The following FHIT variants were observed in gnomAD, a reference collection of about 807,000 sequenced individuals.
The protein encoded by FHIT is bis(5'-adenosyl)-triphosphatase.
FHIT carries 19 observed loss-of-function variants against 17.9 expected under a neutral mutation model. The ratio of observed to expected loss-of-function variants is 1.06; its 90% CI spans 0.74 to 1.56. The LOEUF (loss-of-function observed/expected upper bound fraction) is 1.56, where lower values mean the gene tolerates loss of function less well. Among genes scored for constraint, FHIT ranks in the 40% most tolerant of loss-of-function variants. The probability of loss-of-function intolerance (pLI) is 0.00; values close to 1 mark genes in which losing one functional copy is unlikely to be tolerated. For synonymous variants in FHIT, 81 were observed against 69.7 expected (o/e 1.16, Z -0.81); for missense variants, 248 against 189.2 (o/e 1.31, Z -1.82).
chr3:60,316,258 G>A (rs888845008), intron 5 of FHIT, among the ~76,000 whole-genome samples: 3 of 152,130 alleles, frequency 2.0e-5, no homozygotes, highest in African/African-American at 4.8e-5. Flanking sequence ...CTTTCTGGGT[G>A]TATGGCAGAA....
At chr3:60,285,207 A>C (rs1707667320) in intron 5 of FHIT, among the ~76,000 whole-genome samples, 1 of 152,138 alleles carries the variant, frequency 6.6e-6, no homozygotes, top group Non-Finnish European at 1.5e-5. Context: ...TATTATAGTC[A>C]TATTAACCCT....
chr3:61,120,573 T>G (rs754317051), intron 2 of FHIT, among the ~76,000 whole-genome samples: 1 of 152,140 alleles, frequency 6.6e-6, no homozygotes, highest in Non-Finnish European at 1.5e-5. Flanking sequence ...CTTTTCTCGT[T>G]TACAGAAATG....
intron 8 of FHIT, among the ~76,000 whole-genome samples, chr3:59,754,746 A>G (rs987242546): frequency 6.6e-6 from 1 of 152,212 alleles, no homozygotes; most frequent in African/African-American, 2.4e-5. Flanking sequence ...GCCAATCCTT[A>G]GAAGAAGTTT....
chr3:61,010,056 G>T (rs1407806141), intron 3 of FHIT, among the ~76,000 whole-genome samples: 1 of 152,164 alleles, frequency 6.6e-6, no homozygotes, highest in Non-Finnish European at 1.5e-5. Flanking sequence ...ACTAGAAAGA[G>T]ATGGTAAATA....
chr3:61,229,668 C>T (rs11130833), intron 1 of FHIT, among the ~76,000 whole-genome samples: 47,439 of 151,954 alleles, frequency 0.31, 8,012 homozygotes, highest in East Asian at 0.57. Flanking sequence ...GTATGTCAAA[C>T]GTGCAGCACA....
rs893868814 is a variant in FHIT, at chr3:60,372,413, G to C, written c.103+164447C>G. 2.0e-5 allele frequency among the ~76,000 whole-genome samples: 3 copies of C among 152,068 alleles called. No homozygotes were observed. The South Asian group carries it at 6.2e-4, about 31-fold the overall frequency. On this transcript the variant is annotated intron_variant, in intron 5 of 9. Coordinates refer to ENST00000492590, the MANE Select transcript of FHIT (RefSeq NM_002012.4). The stretch of plus-strand genomic sequence containing the variant: ...GGCACATCCATAATTTGGCTATTTA[G>C]AACATTATGTTTAAAAACAGAGTTA...
chr3:60,383,515 A>G (rs1234316975), intron 5 of FHIT, among the ~76,000 whole-genome samples: 3 of 152,024 alleles, frequency 2.0e-5, no homozygotes, highest in African/African-American at 7.2e-5. Context: ...ATATACTTCA[A>G]TGCACTGGAA....
chr3:60,228,314 G>T (rs1382923186), intron 5 of FHIT, among the ~76,000 whole-genome samples: 2 of 152,154 alleles, frequency 1.3e-5, no homozygotes, highest in African/African-American at 4.8e-5. Context: ...AAGCATAGGA[G>T]AATGAGGGTG....
chr3:60,003,781 A>G (rs1699818235), intron 7 of FHIT, among the ~76,000 whole-genome samples: 1 of 151,950 alleles, frequency 6.6e-6, no homozygotes, highest in Non-Finnish European at 1.5e-5. Flanking sequence ...TCATCTACTG[A>G]GGTTGAATTG....
chr3:61,240,859 G>A (rs893460377), intron 1 of FHIT, among the ~76,000 whole-genome samples: 3 of 152,172 alleles, frequency 2.0e-5, no homozygotes, highest in African/African-American at 7.2e-5. Flanking sequence ...AATTGGGAAA[G>A]GTTGGTGGCA....
chr3:61,227,798 G>A (rs2040006288), intron 1 of FHIT, among the ~76,000 whole-genome samples: 1 of 152,084 alleles, frequency 6.6e-6, no homozygotes, highest in Non-Finnish European at 1.5e-5. Context: ...GAGTATGTTT[G>A]CCCTTTCTAC....
At chr3:60,094,460 G>A (rs1703856971) in intron 5 of FHIT, among the ~76,000 whole-genome samples, 1 of 152,020 alleles carries the variant, frequency 6.6e-6, no homozygotes, top group Admixed American at 6.6e-5. Context: ...GCCCACATAG[G>A]CAATACATCT....
chr3:61,117,744 C>G (rs776486426), intron 2 of FHIT, among the ~76,000 whole-genome samples: 4 of 152,180 alleles, frequency 2.6e-5, no homozygotes, highest in Non-Finnish European at 5.9e-5. Context: ...CCCAATACAG[C>G]TCCCATTATT....
chr3:60,544,561 G>C (rs763619806), intron 4 of FHIT, among the ~76,000 whole-genome samples: 5 of 147,868 alleles, frequency 3.4e-5, no homozygotes, highest in Non-Finnish European at 7.4e-5. Context: ...CCTTTTGAAT[G>C]TCATAAGTGA....
intron 2 of FHIT, among the ~76,000 whole-genome samples, chr3:61,053,912 G>C (rs559170618): frequency 1.3e-5 from 2 of 152,180 alleles, no homozygotes; most frequent in African/African-American, 4.8e-5. Context: ...ATAAGCAGAG[G>C]TGACTGTGGG....
chr3:59,827,563 C>CACAT (rs1701019463), intron 8 of FHIT, among the ~76,000 whole-genome samples: 1 of 152,166 alleles, frequency 6.6e-6, no homozygotes, highest in Admixed American at 6.5e-5. Flanking sequence ...GCTTTACAGG[C>CACAT]ACATATCACT....
chr3:60,366,200 G>C lies in FHIT; in HGVS notation c.103+170660C>G, dbSNP rs117484199. 7.4e-4 allele frequency among the ~76,000 whole-genome samples: 113 copies of C among 152,260 alleles called. No homozygotes were observed. In the East Asian group the frequency reaches 0.02, roughly 27 times the overall value. On this transcript the variant is annotated intron_variant, in intron 5 of 9. Transcript: ENST00000492590. The stretch of plus-strand genomic sequence containing the variant: ...TCAGTCCCTCCGCCTTTTTGAGATG[G>C]AGTCTCACTCTGTCACCCAGGCTGG...
intron 7 of FHIT, among the ~76,000 whole-genome samples, chr3:59,957,302 G>A (rs546721285): frequency 5.9e-5 from 9 of 152,194 alleles, no homozygotes; most frequent in Non-Finnish European, 1.0e-4. Flanking sequence ...GTGTGCATTC[G>A]AGAGAAAAGA....
chr3:60,575,939 G>A (rs887632285), intron 4 of FHIT, among the ~76,000 whole-genome samples: 1 of 152,146 alleles, frequency 6.6e-6, no homozygotes, highest in Admixed American at 6.6e-5. Flanking sequence ...AGTCACGGAG[G>A]CCAAGATGAC....
Sources: gnomAD v4.1 joint callset for allele counts (sites outside exome capture counted in the v4.1 genomes callset) on GRCh38, gnomAD v4.1.1 for gene constraint, MANE v1.5 for transcripts, NCBI Gene and HGNC (gene_info 2026-07-23, HGNC 2026-07-21) for gene names.